The following FNDC5 variants were observed in gnomAD, a reference collection of about 807,000 sequenced individuals.
The protein encoded by FNDC5 is fibronectin type III domain-containing protein 5.
Under a neutral mutation model 24.6 loss-of-function variants are expected in FNDC5, and 10 were observed. The observed-to-expected ratio is 0.41, with a 90% CI of 0.25 to 0.69. FNDC5 has a LOEUF of 0.69. Ranked by LOEUF, FNDC5 falls within the 30% of genes least tolerant of loss-of-function variation. The pLI, the probability that FNDC5 is intolerant of heterozygous loss-of-function variation, is 0.34. For missense variants in FNDC5, 226 were observed against 282.9 expected (o/e 0.80, Z 1.44); for synonymous variants, 90 against 110.7 (o/e 0.81, Z 1.18).
At chr1:32,869,660 C>T (rs944847296) in intron 1 of FNDC5, among the ~76,000 whole-genome samples, 1 of 151,792 alleles carries the variant, frequency 6.6e-6, no homozygotes, top group Non-Finnish European at 1.5e-5. Context: ...CCCTCCATGG[C>T]GAGTGGAGAG....
At chr1:32,864,582 C>G (rs776566391) in intron 5 of FNDC5, 82 bp downstream of exon 5, 2 of 1,597,242 alleles carry the variant, frequency 1.3e-6, no homozygotes, top group South Asian at 2.3e-5. Context: ...TGCCAGTCCC[C>G]GAGCTGACCC....
Position 32,869,768 on chromosome 1 carries a change from A to G in FNDC5, c.95-771T>C, listed in dbSNP as rs1200395273. Among the ~76,000 whole-genome samples the G allele has an allele frequency of 2.6e-5, 4 of 152,236 alleles. No homozygotes were observed. In the East Asian group the frequency reaches 7.7e-4, roughly 29 times the overall value. On this transcript the variant is annotated intron_variant, in intron 1 of 5. Transcript: ENST00000373471. The stretch of plus-strand genomic sequence containing the variant: ...GTGATAGGGATAGTGGGGGTCAGTG[A>G]GGAAAACCGTCCAGGAGAGGGGCAG...
At chr1:32,864,526 T>G in intron 5 of FNDC5, 138 bp downstream of exon 5, 6 of 1,538,792 alleles carry the variant, frequency 3.9e-6, no homozygotes, top group Non-Finnish European at 5.2e-6. Flanking sequence ...AGTGTCCCTG[T>G]GTCACACAGG....
rs775962780 is a variant in FNDC5 at position 32,864,568 on chromosome 1, G to A, written c.633+96C>T. The stretch of plus-strand genomic sequence containing the variant: ...CCAAGTCTGGCTCTGCCCAGCTGTC[G>A]CCATGCCAGTCCCCGAGCTGACCCC... On this transcript the variant is annotated intron_variant, in intron 5 of 5. Transcript: ENST00000373471. 3.3e-5 allele frequency: 52 copies of A among 1,584,480 alleles called. 1 individual carries two copies. The South Asian group carries it at 3.4e-4, about 10-fold the overall frequency.
chr1:32,868,122 C>T lies in FNDC5; in HGVS notation c.409+68G>A. The T allele has an allele frequency of 3.8e-6, 6 of 1,560,542 alleles. No individual in the cohort carries two copies. The highest frequency in any genetic ancestry group is 1.7e-6 in the Non-Finnish European group (2 of 1,143,344). ...GGAGGAGACAGAGCTTTCCTCAAGC[C>T]ACCCACTGGTCTGGTCCTGACCACC... is the stretch of plus-strand genomic sequence containing the variant. On this transcript the variant is annotated intron_variant, in intron 3 of 5. Transcript: ENST00000373471. This position sits in a 1 kb window ranked among gnomAD's most constrained non-coding sequence, Gnocchi z 4.8.
chr1:32,864,044 C>A lies in FNDC5; in HGVS notation c.*250G>T. 1 of 1,412,066 alleles carries A rather than the reference C, an allele frequency of 7.1e-7. No individual in the cohort carries two copies. The highest frequency in any genetic ancestry group is 9.3e-7 in the Non-Finnish European group (1 of 1,080,082). 87.5% of individuals were successfully genotyped at this position (1,412,066 alleles called of 1,614,324 possible). On this transcript the variant is annotated 3_prime_UTR_variant, in exon 6 of 6. Coordinates refer to ENST00000373471, the MANE Select transcript of FNDC5 (RefSeq NM_153756.3). Reference sequence around the variant, plus strand: ...CCCCTGGCACCCAGTCTACCCCCAGCAGTCATCCCTCTGAGTGCAGCCTCA... The same window carrying A: ...CCCCTGGCACCCAGTCTACCCCCAGAAGTCATCCCTCTGAGTGCAGCCTCA...
chr1:32,868,667 T>C lies in FNDC5; in HGVS notation c.210+215A>G, dbSNP rs1369493108. Among the ~76,000 whole-genome samples the C allele has an allele frequency of 6.6e-6, 1 of 152,026 alleles. No homozygotes were observed. Among genetic ancestry groups the C allele is most frequent in the African/African-American group, 2.4e-5 (1 of 41,382 alleles). ...GTTCCACTTGAAAGTTCCCAAACCC[T>C]CCCTCACTGACTGATTCTCTTCTAG... On this transcript the variant is annotated intron_variant, in intron 2 of 5. Coordinates refer to ENST00000373471, the MANE Select transcript of FNDC5 (RefSeq NM_153756.3). The surrounding 1 kb of genome is among the most constrained non-coding windows in gnomAD (Gnocchi z 4.8).
Position 32,864,517 on chromosome 1 carries a change from G to A in FNDC5, c.633+147C>T, listed in dbSNP as rs570749928. 4 of 1,516,354 alleles carry A rather than the reference G, an allele frequency of 2.6e-6. No individual in the cohort carries two copies. The East Asian group carries it at 6.9e-5, about 26-fold the overall frequency. 93.9% of individuals were successfully genotyped at this position (1,516,354 alleles called of 1,614,324 possible). A position where few individuals can be genotyped will look rare whatever the true frequency, so the allele number is the denominator to read the frequency against. On this transcript the variant is annotated intron_variant, in intron 5 of 5. Coordinates refer to ENST00000373471, the MANE Select transcript of FNDC5 (RefSeq NM_153756.3). The stretch of plus-strand genomic sequence containing the variant: ...GGAGAGGATCCAAAATCAACTTGCA[G>A]TGTCCCTGTGTCACACAGGCAGCAG...
At chr1:32,871,414 G>A (rs1641182677), upstream of FNDC5, among the ~76,000 whole-genome samples, 1 of 152,184 alleles carries the variant, frequency 6.6e-6, no homozygotes, top group Non-Finnish European at 1.5e-5. Flanking sequence ...AGTGGGGTTG[G>A]GAAGAGGCTG....
In FNDC5 at chr1:32,864,241, C is replaced by T. The variant is rs1557527102; in HGVS notation, c.*53G>A. ...TCATCAGAACCATGAGATCCTCTCA[C>T]ATTCTCTACTGTCTGTCTTCTTAGC... On this transcript the variant is annotated 3_prime_UTR_variant, in exon 6 of 6. Coordinates refer to ENST00000373471, the MANE Select transcript of FNDC5 (RefSeq NM_153756.3). The T allele has an allele frequency of 6.2e-7, 1 of 1,614,174 alleles. No individual in the cohort carries two copies. The highest frequency in any genetic ancestry group is 2.2e-5 in the East Asian group (1 of 44,870).
rs540070419 is a variant in FNDC5 at position 32,865,442 on chromosome 1, A to G, written c.500-645T>C. Among the ~76,000 whole-genome samples the G allele has an allele frequency of 5.8e-3, 874 of 151,432 alleles. 9 individuals are homozygous for G. The highest frequency in any genetic ancestry group is 0.02 in the African/African-American group (848 of 41,436). ...GCCAACATGGGTGGATCACGAGGTC[A>G]GGAAATAGAGACCAGCCTGGCCAAC... On this transcript the variant is annotated intron_variant, in intron 4 of 5. Coordinates refer to ENST00000373471, the MANE Select transcript of FNDC5 (RefSeq NM_153756.3).
chr1:32,865,936 A>C (rs1464327718), intron 4 of FNDC5, among the ~76,000 whole-genome samples: 1 of 152,214 alleles, frequency 6.6e-6, no homozygotes, highest in African/African-American at 2.4e-5. Context: ...GTTTAGTTTT[A>C]TCAAACTAAT....
chr1:32,868,407 C>A lies in FNDC5; in HGVS notation c.211-19G>T. 6.2e-7 allele frequency: 1 copy of A among 1,608,974 alleles called. No individual in the cohort carries two copies. Among genetic ancestry groups the A allele is most frequent in the South Asian group, 1.1e-5 (1 of 90,672 alleles). On this transcript the variant is annotated intron_variant, in intron 2 of 5. Transcript: ENST00000373471. This position sits in a 1 kb window ranked among gnomAD's most constrained non-coding sequence, Gnocchi z 4.8. Reference sequence around the variant, plus strand: ...CCTTCTTCTGCAGACAAGCGCCGGTCACTGCTGTCAACACTCGGTGACCAG... The same window carrying A: ...CCTTCTTCTGCAGACAAGCGCCGGTAACTGCTGTCAACACTCGGTGACCAG...
intron 4 of FNDC5, among the ~76,000 whole-genome samples, chr1:32,867,188 A>AAGGGCTAAAGAG (rs1553136543): frequency 6.6e-6 from 1 of 152,186 alleles, no homozygotes; most frequent in African/African-American, 2.4e-5. Context: ...GAACTAACAC[A>AAGGGCTAAAGAG]AGGGCTAAAG....
rs749779922 is a variant in FNDC5, at chr1:32,867,828, T to C, written c.424A>G (p.Lys142Glu). The C allele has an allele frequency of 4.1e-5, 66 of 1,613,932 alleles. No individual in the cohort carries two copies. The highest frequency in any genetic ancestry group is 3.1e-5 in the Non-Finnish European group (36 of 1,179,996). The stretch of plus-strand genomic sequence containing the variant: ...AGCTGTTGGTTCCTCCCCATCTCTT[T>C]CATGGTTACCTCATCTGCAGGGAGA... The change falls in exon 4 of 6, where the codon AAA becomes GAA. Residue 142 changes from lysine (K) to glutamate (E), a missense_variant. Physicochemically the swap from Lys to Glu is moderately conservative, Grantham distance 56. Coordinates refer to ENST00000373471, the MANE Select transcript of FNDC5 (RefSeq NM_153756.3).
chr1:32,864,971 C>A (rs886699947), intron 4 of FNDC5, among the ~76,000 whole-genome samples, 174 bp from the exon 5 acceptor site: 1 of 152,178 alleles, frequency 6.6e-6, no homozygotes, highest in Non-Finnish European at 1.5e-5. Context: ...ACCAACCACC[C>A]CTTCACTGCT....
Position 32,868,759 on chromosome 1 carries a change from C to T in FNDC5, c.210+123G>A. On this transcript the variant is annotated intron_variant, in intron 2 of 5. Coordinates refer to ENST00000373471, the MANE Select transcript of FNDC5 (RefSeq NM_153756.3). The surrounding 1 kb of genome is among the most constrained non-coding windows in gnomAD (Gnocchi z 4.8). ...GACATATGTCCAAATTGCTGTTCAT[C>T]TCCCTTGCCCCAAGTTCCTATTTCC... is the stretch of plus-strand genomic sequence containing the variant. 2.9e-6 allele frequency: 2 copies of T among 687,492 alleles called. No individual in the cohort carries two copies. The highest frequency in any genetic ancestry group is 4.2e-6 in the Non-Finnish European group (2 of 473,258). The allele number at this position is 687,492 out of a possible 1,614,324, so 42.6% of individuals were successfully genotyped here. A position where few individuals can be genotyped will look rare whatever the true frequency, so the allele number is the denominator to read the frequency against.
Position 32,864,172 on chromosome 1 carries a change from G to C in FNDC5, c.*122C>G, listed in dbSNP as rs1267122138. The C allele has an allele frequency of 6.2e-7, 1 of 1,601,176 alleles. No individual in the cohort carries two copies. Among genetic ancestry groups the C allele is most frequent in the African/African-American group, 1.3e-5 (1 of 74,694 alleles). ...GTAAGCCAGAGGGTACAAGGAGATG[G>C]AGGGAAGAGATGTAGAGAGGGCCAG... On this transcript the variant is annotated 3_prime_UTR_variant, in exon 6 of 6. Transcript: ENST00000373471.
chr1:32,864,076 G>C lies in FNDC5; in HGVS notation c.*218C>G. On this transcript the variant is annotated 3_prime_UTR_variant, in exon 6 of 6. Transcript: ENST00000373471. ...CCCTCTGAGTGCAGCCTCAGCCACT[G>C]ACATTGTTGAGGTGCTTCTGGAGAT... 1 of 1,477,170 alleles carries C rather than the reference G, an allele frequency of 6.8e-7. No homozygotes were observed. Among genetic ancestry groups the C allele is most frequent in the Non-Finnish European group, 9.0e-7 (1 of 1,115,500 alleles). 91.5% of individuals were successfully genotyped at this position (1,477,170 alleles called of 1,614,324 possible).
Sources: gnomAD v4.1 joint callset for allele counts (sites outside exome capture counted in the v4.1 genomes callset) on GRCh38, gnomAD v4.1.1 for gene constraint, Gnocchi (gnomAD v3.1) non-coding constraint, MANE v1.5 for transcripts, NCBI Gene and HGNC (gene_info 2026-07-23, HGNC 2026-07-21) for gene names.